DRC11: variants seen among roughly 807,000 people sequenced by gnomAD.
DRC11 encodes the protein IQ and AAA domain-containing protein 1.
the DRC11 span, chr2:236,331,536 G>A: frequency 6.2e-7 from 1 of 1,613,936 alleles, no homozygotes; most frequent in African/African-American, 1.3e-5. This position sits in a 1 kb window ranked among gnomAD's most constrained non-coding sequence, Gnocchi z 4.8. Flanking sequence ...TCGCCAGGCA[G>A]CTGACATTCA....
chr2:236,375,152 T>G, the DRC11 span, among the ~76,000 whole-genome samples: 1 of 152,086 alleles, frequency 6.6e-6, no homozygotes, highest in South Asian at 2.1e-4. This position sits in a 1 kb window ranked among gnomAD's most constrained non-coding sequence, Gnocchi z 4.2. Flanking sequence ...GGATTATAAT[T>G]CTACATGAGG....
At chr2:236,441,804 C>T in the DRC11 span, among the ~76,000 whole-genome samples, 2 of 152,236 alleles carry the variant, frequency 1.3e-5, no homozygotes, top group African/African-American at 2.4e-5. Flanking sequence ...TAGAGGTGAC[C>T]ACCATGTTTA....
chr2:236,366,535 CCAGCT>C, the DRC11 span, among the ~76,000 whole-genome samples: 3 of 152,198 alleles, frequency 2.0e-5, no homozygotes, highest in African/African-American at 7.2e-5. Flanking sequence ...AATGCCCCAG[CCAGCT>C]CTGCTCTCCG....
At chr2:236,307,326 G>A in the DRC11 span, among the ~76,000 whole-genome samples, 4 of 152,148 alleles carry the variant, frequency 2.6e-5, no homozygotes, top group African/African-American at 4.8e-5. The surrounding 1 kb of genome is among the most constrained non-coding windows in gnomAD (Gnocchi z 7.0). Flanking sequence ...TTAGAGGCCC[G>A]CGGGAAGGGG....
At chr2:236,378,816 T>A in the DRC11 span, among the ~76,000 whole-genome samples, 7 of 152,044 alleles carry the variant, frequency 4.6e-5, no homozygotes, top group Non-Finnish European at 1.0e-4. Flanking sequence ...CATGGACAGA[T>A]GTGTGCCTCC....
the DRC11 span, among the ~76,000 whole-genome samples, chr2:236,358,376 T>TATACTATATGAATATATAATATATAG: frequency 7.4e-5 from 7 of 94,638 alleles, no homozygotes; most frequent in South Asian, 3.0e-4. Flanking sequence ...TATATAGATA[T>TATACTATATGAATATATAATATATAG]ATATTTATGA....
the DRC11 span, among the ~76,000 whole-genome samples, chr2:236,442,075 T>C: frequency 1.3e-5 from 2 of 152,324 alleles, no homozygotes; most frequent in Non-Finnish European, 2.9e-5. Context: ...CACTCCAGAC[T>C]GGGTGATAGA....
chr2:236,321,329 G>A, the DRC11 span, among the ~76,000 whole-genome samples: 1 of 152,154 alleles, frequency 6.6e-6, no homozygotes, highest in South Asian at 2.1e-4. Flanking sequence ...TACAAAATGA[G>A]GCCCGTCTGT....
chr2:236,344,499 G>C, the DRC11 span: 1 of 1,234,930 alleles, frequency 8.1e-7, no homozygotes, highest in South Asian at 1.3e-5. Context: ...GTAGGCCTTG[G>C]TAAGGGCCTC....
the DRC11 span, chr2:236,419,354 T>C: frequency 6.8e-7 from 1 of 1,478,228 alleles, no homozygotes; most frequent in East Asian, 2.5e-5. The surrounding 1 kb of genome is among the most constrained non-coding windows in gnomAD (Gnocchi z 4.8). Flanking sequence ...AAGGAAGTTT[T>C]TGTGCTGGTC....
chr2:236,324,741 C>T, the DRC11 span: 3 of 1,606,246 alleles, frequency 1.9e-6, no homozygotes, highest in Admixed American at 1.7e-5. This position sits in a 1 kb window ranked among gnomAD's most constrained non-coding sequence, Gnocchi z 5.7. Flanking sequence ...CCTGTTATCG[C>T]CAAGGCACGT....
At chr2:236,459,541 G>GTA in the DRC11 span, among the ~76,000 whole-genome samples, 145 of 73,074 alleles carry the variant, frequency 2.0e-3, no homozygotes, top group African/African-American at 2.8e-3. Flanking sequence ...ATACGTATAC[G>GTA]TATACGTATA....
chr2:236,429,020 T>C, the DRC11 span, among the ~76,000 whole-genome samples: 1 of 152,218 alleles, frequency 6.6e-6, no homozygotes, highest in Admixed American at 6.5e-5. The surrounding 1 kb of genome is among the most constrained non-coding windows in gnomAD (Gnocchi z 5.9). Flanking sequence ...TAAATGAGTC[T>C]GCAAATTTCA....
At chr2:236,433,387 G>A in the DRC11 span, among the ~76,000 whole-genome samples, 4 of 152,138 alleles carry the variant, frequency 2.6e-5, no homozygotes, top group African/African-American at 4.8e-5. Flanking sequence ...TCCTACCTAC[G>A]AGCATGATAT....
the DRC11 span, among the ~76,000 whole-genome samples, chr2:236,384,223 C>A: frequency 5.9e-5 from 9 of 152,098 alleles, no homozygotes; most frequent in African/African-American, 1.7e-4. Flanking sequence ...AGTTCTAGAT[C>A]CCTGAGGCAT....
chr2:236,459,492 CGT>C, the DRC11 span, among the ~76,000 whole-genome samples: 5 of 127,242 alleles, frequency 3.9e-5, no homozygotes, highest in Non-Finnish European at 8.6e-5. Context: ...AATATGTATA[CGT>C]ATATATGTAT....
the DRC11 span, among the ~76,000 whole-genome samples, chr2:236,356,396 C>G: frequency 6.6e-6 from 1 of 152,196 alleles, no homozygotes; most frequent in Non-Finnish European, 1.5e-5. Context: ...AGCAGACCCG[C>G]TGGCCCAGGA....
the DRC11 span, among the ~76,000 whole-genome samples, chr2:236,498,662 A>C: frequency 6.6e-6 from 1 of 152,018 alleles, no homozygotes. Context: ...GTGCCCTTCC[A>C]CCAAAGCCTT....
At chr2:236,410,599 G>C in the DRC11 span, among the ~76,000 whole-genome samples, 1 of 150,576 alleles carries the variant, frequency 6.6e-6, no homozygotes, top group South Asian at 2.1e-4. Flanking sequence ...TCAATCCTAA[G>C]CCAAAAGAAC....
Sources: gnomAD v4.1 joint callset for allele counts (sites outside exome capture counted in the v4.1 genomes callset) on GRCh38, gnomAD v4.1.1 for gene constraint, Gnocchi (gnomAD v3.1) non-coding constraint, MANE v1.5 for transcripts, NCBI Gene and HGNC (gene_info 2026-07-23, HGNC 2026-07-21) for gene names.